Variants in IFT80 observed in about 807,000 individuals in gnomAD.
IFT80 encodes intraflagellar transport 80.
In IFT80, 79 loss-of-function variants were observed where a neutral mutation model predicts 107.9. The observed-to-expected ratio is 0.73, with a 90% CI of 0.61 to 0.88. IFT80 has a LOEUF of 0.88. Among genes scored for constraint, IFT80 ranks in the 40% least tolerant of loss-of-function variants. IFT80 has a pLI of 0.00. For synonymous variants in IFT80, 299 were observed against 300.9 expected (o/e 0.99, Z 0.07); for missense variants, 797 against 914.2 (o/e 0.87, Z 1.65).
intron 12 of IFT80, among the ~76,000 whole-genome samples, chr3:160,292,115 C>T (rs1042203492): frequency 1.3e-5 from 2 of 152,308 alleles, no homozygotes; most frequent in Admixed American, 6.5e-5. Flanking sequence ...TGGATGGCTA[C>T]AAAAGGGTCC....
At chr3:160,302,016 C>T (rs968979023) in intron 11 of IFT80, among the ~76,000 whole-genome samples, 2 of 152,014 alleles carry the variant, frequency 1.3e-5, no homozygotes, top group Non-Finnish European at 2.9e-5. Flanking sequence ...AAAGACCATA[C>T]ATTTAAAATT....
chr3:160,361,445 C>A (rs966083417), intron 6 of IFT80, among the ~76,000 whole-genome samples: 15 of 152,168 alleles, frequency 9.9e-5, no homozygotes, highest in African/African-American at 3.4e-4. Context: ...TAACACCCTA[C>A]TGTCAATATT....
At chr3:160,312,007 T>G (rs1315479634) in intron 9 of IFT80, among the ~76,000 whole-genome samples, 2 of 152,174 alleles carry the variant, frequency 1.3e-5, no homozygotes, top group East Asian at 3.9e-4. Flanking sequence ...GGCCTCGATC[T>G]CCTGACCTCG....
rs886316663 is a variant in IFT80 at position 160,362,897 on chromosome 3, C to A, written c.549+3146G>T. ...ATAATAAGAGCTACTTATGACAAACCCACAGCCAATATCATACTGAATGGG... is the reference window on the plus strand; with the variant it reads ...ATAATAAGAGCTACTTATGACAAACACACAGCCAATATCATACTGAATGGG... On this transcript the variant is annotated intron_variant, in intron 6 of 19. Coordinates refer to ENST00000326448, the MANE Select transcript of IFT80 (RefSeq NM_020800.3). 4.6e-5 allele frequency among the ~76,000 whole-genome samples: 7 copies of A among 152,166 alleles called. No individual in the cohort carries two copies. The South Asian group carries it at 1.2e-3, about 27-fold the overall frequency.
At chr3:160,321,065 C>A (rs1718177012) in intron 8 of IFT80, among the ~76,000 whole-genome samples, 1 of 151,640 alleles carries the variant, frequency 6.6e-6, no homozygotes, top group African/African-American at 2.4e-5. Flanking sequence ...AATAAAGTTA[C>A]CAAGGAGAAG....
chr3:160,315,948 G>A (rs2108292793), intron 9 of IFT80, among the ~76,000 whole-genome samples: 1 of 152,182 alleles, frequency 6.6e-6, no homozygotes, highest in African/African-American at 2.4e-5. Context: ...CCATATATAT[G>A]AATAAAGGAA....
intron 9 of IFT80, among the ~76,000 whole-genome samples, chr3:160,315,432 T>C (rs1379530539): frequency 6.6e-6 from 1 of 152,184 alleles, no homozygotes; most frequent in African/African-American, 2.4e-5. Context: ...AATTTACTTG[T>C]GAGCATATTG....
chr3:160,376,030 A>G, intron 4 of IFT80, 150 bp from the exon 5 acceptor site: 1 of 621,108 alleles, frequency 1.6e-6, no homozygotes, highest in South Asian at 2.1e-5. Flanking sequence ...ACATATTTAA[A>G]ATTCAGAAAC....
intron 8 of IFT80, among the ~76,000 whole-genome samples, chr3:160,347,998 A>G (rs574135989): frequency 6.6e-6 from 1 of 152,302 alleles, no homozygotes; most frequent in South Asian, 2.1e-4. Flanking sequence ...AAATCACTCT[A>G]TATTTCCACT....
At chr3:160,272,678 C>T (rs1346364243) in intron 18 of IFT80, among the ~76,000 whole-genome samples, 1 of 152,304 alleles carries the variant, frequency 6.6e-6, no homozygotes, top group Admixed American at 6.5e-5. Flanking sequence ...CTCATGGCCT[C>T]AACTACTGTC....
At chr3:160,307,913 A>C in intron 9 of IFT80, 132 bp from the exon 10 acceptor site, 1 of 647,490 alleles carries the variant, frequency 1.5e-6, no homozygotes, top group South Asian at 1.8e-5. Flanking sequence ...AAAAGAATTT[A>C]ATAGAAACTA....
At position 160,315,054 on chromosome 3, in the gene IFT80, AG is replaced by A. The variant is rs1217899087; in HGVS notation, c.957+4705del. Among the ~76,000 whole-genome samples the A allele has an allele frequency of 0.015, 11 of 746 alleles. No homozygotes were observed. In the South Asian group the frequency reaches 0.28, roughly 19 times the overall value. The allele number at this position is 746 out of a possible 152,430, so 0.5% of individuals were successfully genotyped here. Reference sequence around the variant, plus strand: ...TGGGCAGGAGGGGAAAAAAGAAGGAAGGGAGGGAGGGAGGGAGGGAGGGAGG... The same window carrying A: ...TGGGCAGGAGGGGAAAAAAGAAGGAAGGAGGGAGGGAGGGAGGGAGGGAGG... On this transcript the variant is annotated intron_variant, in intron 9 of 19. Transcript: ENST00000326448.
rs557187751 is a variant in IFT80, at chr3:160,345,526, A to T, written c.777+10487T>A. 3.7e-3 allele frequency among the ~76,000 whole-genome samples: 555 copies of T among 151,690 alleles called. 3 individuals are homozygous for T. Among genetic ancestry groups the T allele is most frequent in the Non-Finnish European group, 5.5e-3 (370 of 67,876 alleles). On this transcript the variant is annotated intron_variant, in intron 8 of 19. Transcript: ENST00000326448. ...ACATGGGTGAAATCCAGTCTCTACT[A>T]AAAAAAACACAAAACTTAGTAGCCA...
chr3:160,365,874 T>C (rs909752257), intron 6 of IFT80, among the ~76,000 whole-genome samples, 169 bp downstream of exon 6: 4 of 152,062 alleles, frequency 2.6e-5, no homozygotes, highest in African/African-American at 7.2e-5. Context: ...ACAAACCTTG[T>C]TGGAAATATA....
intron 9 of IFT80, among the ~76,000 whole-genome samples, chr3:160,317,949 G>T (rs922031990): frequency 4.0e-5 from 6 of 151,778 alleles, no homozygotes; most frequent in African/African-American, 1.5e-4. Context: ...TAAACACTTT[G>T]TGGATATTTG....
intron 8 of IFT80, among the ~76,000 whole-genome samples, chr3:160,330,275 T>C (rs1359085721): frequency 6.6e-6 from 1 of 152,178 alleles, no homozygotes; most frequent in Non-Finnish European, 1.5e-5. Flanking sequence ...AAAAGTTCTC[T>C]AGGTGATTTT....
intron 5 of IFT80, among the ~76,000 whole-genome samples, chr3:160,371,431 T>C (rs1711521193): frequency 6.6e-6 from 1 of 152,158 alleles, no homozygotes; most frequent in African/African-American, 2.4e-5. Flanking sequence ...AATTATTTAT[T>C]TATTAATTTG....
intron 5 of IFT80, among the ~76,000 whole-genome samples, chr3:160,370,339 T>A (rs758904266): frequency 7.4e-4 from 113 of 152,260 alleles, no homozygotes; most frequent in South Asian, 1.4e-3. Context: ...TAAGCAAGCA[T>A]TTGCTTACTG....
At chr3:160,290,402 T>C (rs1715454812) in intron 12 of IFT80, among the ~76,000 whole-genome samples, 1 of 136,890 alleles carries the variant, frequency 7.3e-6, no homozygotes, top group South Asian at 2.3e-4. Flanking sequence ...CGCGAGACTG[T>C]CTCAAAAACA....
Sources: gnomAD v4.1 joint callset for allele counts (sites outside exome capture counted in the v4.1 genomes callset) on GRCh38, gnomAD v4.1.1 for gene constraint, MANE v1.5 for transcripts, NCBI Gene and HGNC (gene_info 2026-07-23, HGNC 2026-07-21) for gene names.